Variants in CCDC63 observed in about 807,000 individuals in gnomAD.
CCDC63 encodes the protein coiled-coil domain containing 63, also known as coiled-coil domain-containing protein 63.
In CCDC63, 54 loss-of-function variants were observed where a neutral mutation model predicts 63.6. The ratio of observed to expected loss-of-function variants is 0.85; its 90% confidence interval spans 0.68 to 1.07. CCDC63 has a LOEUF of 1.07. CCDC63 is among the 50% of genes least tolerant of loss of function. The pLI is 0.00. For synonymous variants in CCDC63, 253 were observed against 266.1 expected (o/e 0.95, Z 0.48); for missense variants, 637 against 689.6 (o/e 0.92, Z 0.86).
chr12:110,904,721 GC>G lies in CCDC63; in HGVS notation c.1481del (p.Pro494GlnfsTer42), dbSNP rs1566143440. ...PFWGGSALLKPPEPIKVIPPV... is the reference protein window; with the variant it reads ...PFWGGSALLKXPEPIKVIPPV... ...TCTGGGGTGGCTCTGCCCTCCTCAA[GC>G]CCCCAGAACCCATCAAAGTCATCCC... On this transcript the variant is annotated frameshift_variant, in exon 11 of 12. Transcript: ENST00000308208. LOFTEE classifies it high-confidence loss of function. 1.2e-6 allele frequency: 2 copies of G among 1,614,016 alleles called. No individual in the cohort carries two copies. Among genetic ancestry groups the G allele is most frequent in the South Asian group, 2.2e-5 (2 of 91,076 alleles).
At chr12:110,853,377 G>A (rs2070730656) in intron 2 of CCDC63, 28 bp from the exon 3 acceptor site, 3 of 1,595,530 alleles carry the variant, frequency 1.9e-6, no homozygotes, top group Non-Finnish European at 2.6e-6. Context: ...GCCCACTACG[G>A]CCTCCCACTC....
rs1566132133 is a variant in CCDC63 at position 110,884,215 on chromosome 12, A to G, written c.1039A>G (p.Met347Val). ...FTYVTELNND[M>V]EMMHKRTQRI... The stretch of plus-strand genomic sequence containing the variant: ...GTATGTCACGGAGCTCAACAACGAC[A>G]TGGAGATGATGCACAAGAGGACCCA... Residue 347 changes from methionine (M) to valine (V), a missense_variant, in exon 8 of 12, where the codon ATG becomes GTG. By Grantham distance (21) the Met-to-Val change is conservative. Transcript: ENST00000308208. 1.2e-6 allele frequency: 2 copies of G among 1,614,150 alleles called. No homozygotes were observed. Among genetic ancestry groups the G allele is most frequent in the Non-Finnish European group, 1.7e-6 (2 of 1,180,032 alleles).
chr12:110,899,706 T>TA (rs1219544988), intron 10 of CCDC63, among the ~76,000 whole-genome samples: 1 of 149,724 alleles, frequency 6.7e-6, no homozygotes, highest in African/African-American at 2.4e-5. Context: ...TTTTTTTTTT[T>TA]AAATTGGTGT....
Position 110,894,080 on chromosome 12 carries a change from C to T in CCDC63, c.1149+930C>T, listed in dbSNP as rs549859166. Among the ~76,000 whole-genome samples, 367 of 152,120 alleles carry T rather than the reference C, an allele frequency of 2.4e-3. 4 individuals carry two copies. Among genetic ancestry groups the T allele is most frequent in the South Asian group, 0.021 (99 of 4,814 alleles). ...ATGATGTCATCAGTGACCTGGGCTCCGTCTTTCTGTTTTGCCATCCTTAGT... is the reference window on the plus strand; with the variant it reads ...ATGATGTCATCAGTGACCTGGGCTCTGTCTTTCTGTTTTGCCATCCTTAGT... On this transcript the variant is annotated intron_variant, in intron 9 of 11. Transcript: ENST00000308208.
intron 5 of CCDC63, among the ~76,000 whole-genome samples, chr12:110,875,071 C>T (rs1207159635): frequency 6.6e-6 from 1 of 152,204 alleles, no homozygotes; most frequent in African/African-American, 2.4e-5. Flanking sequence ...CTTTGACCAC[C>T]AGGCTTTGAG....
At chr12:110,868,686 G>A (rs1310487048) in intron 4 of CCDC63, among the ~76,000 whole-genome samples, 2 of 146,572 alleles carry the variant, frequency 1.4e-5, no homozygotes, top group Non-Finnish European at 3.0e-5. Context: ...GTCCAGCTTC[G>A]GCTCCGCATG....
intron 4 of CCDC63, among the ~76,000 whole-genome samples, chr12:110,869,585 C>A (rs2071037174): frequency 2.0e-5 from 3 of 152,124 alleles, no homozygotes; most frequent in Non-Finnish European, 4.4e-5. Context: ...TGGGCTAAGG[C>A]TGCATTGTGG....
intron 6 of CCDC63, among the ~76,000 whole-genome samples, chr12:110,880,649 A>T (rs1196884876): frequency 1.3e-4 from 2 of 15,050 alleles, no homozygotes; most frequent in Non-Finnish European, 2.8e-4. Context: ...CCTGGGACAC[A>T]GTAATTGATA....
intron 9 of CCDC63, among the ~76,000 whole-genome samples, chr12:110,896,853 C>T (rs187101959): frequency 9.8e-5 from 15 of 152,352 alleles, no homozygotes; most frequent in Admixed American, 8.5e-4. Context: ...TCAGACTTTA[C>T]TGTGCACCAG....
intron 8 of CCDC63, among the ~76,000 whole-genome samples, chr12:110,890,716 T>C (rs2071345235): frequency 6.6e-6 from 1 of 151,908 alleles, no homozygotes; most frequent in Non-Finnish European, 1.5e-5. Context: ...AAACGTTTTG[T>C]TTCCCAACAA....
upstream of CCDC63, among the ~76,000 whole-genome samples, chr12:110,844,537 A>C (rs111509328): frequency 5.3e-5 from 8 of 152,334 alleles, no homozygotes; most frequent in African/African-American, 1.9e-4. Flanking sequence ...CCTCTACCCC[A>C]AGTTCTTCCT....
At chr12:110,857,142 G>A (rs1157342765) in intron 3 of CCDC63, among the ~76,000 whole-genome samples, 1 of 143,976 alleles carries the variant, frequency 6.9e-6, no homozygotes, top group Non-Finnish European at 1.5e-5. Context: ...TTTTTGTATT[G>A]TTGAGATGGA....
intron 10 of CCDC63, among the ~76,000 whole-genome samples, chr12:110,903,270 T>C (rs1016774522): frequency 6.6e-6 from 1 of 152,214 alleles, no homozygotes; most frequent in Non-Finnish European, 1.5e-5. Context: ...CCCAAAGTGC[T>C]GGGATTACAG....
intron 1 of CCDC63, among the ~76,000 whole-genome samples, chr12:110,852,281 A>C (rs2136640005): frequency 6.6e-6 from 1 of 151,998 alleles, no homozygotes; most frequent in East Asian, 1.9e-4. Flanking sequence ...TGTGAGATGG[A>C]GTCTCACTCT....
intron 4 of CCDC63, among the ~76,000 whole-genome samples, chr12:110,870,630 A>G (rs981730428): frequency 2.6e-5 from 4 of 151,978 alleles, no homozygotes; most frequent in South Asian, 2.1e-4. Context: ...GAGATGTCCC[A>G]TTGCCCTTCT....
intron 4 of CCDC63, among the ~76,000 whole-genome samples, chr12:110,864,981 A>G (rs146464253): frequency 6.6e-6 from 1 of 152,292 alleles, no homozygotes; most frequent in African/African-American, 2.4e-5. Flanking sequence ...GACTGACACT[A>G]CCTTCAGGAG....
chr12:110,890,773 C>CTTTTTTTTTT (rs769120162), intron 8 of CCDC63, among the ~76,000 whole-genome samples: 6 of 98,408 alleles, frequency 6.1e-5, no homozygotes, highest in African/African-American at 1.2e-4. Flanking sequence ...TCCTCCTTTT[C>CTTTTTTTTTT]TTTTTTTTTT....
upstream of CCDC63, among the ~76,000 whole-genome samples, chr12:110,845,187 G>A (rs577153598): frequency 1.1e-4 from 17 of 152,314 alleles, no homozygotes; most frequent in Admixed American, 1.0e-3. Context: ...TCGGAGGAAG[G>A]TCTATTTTTA....
chr12:110,884,073 T>C lies in CCDC63; in HGVS notation c.897T>C (p.Ser299=). 6.2e-7 allele frequency: 1 copy of C among 1,613,434 alleles called. No homozygotes were observed. ...KKHVKKNRGE[S]FESYEVAHLR... is the part of the protein sequence containing the mutation. ...ATGTCAAGAAGAACAGGGGAGAGAG[T>C]TTTGAGAGCTATGAGGTGGCCCACC... Residue 299 remains serine, a synonymous_variant, in exon 8 of 12, where the codon AGT becomes AGC. Transcript: ENST00000308208.
Sources: allele counts gnomAD v4.1 joint callset (sites outside exome capture counted in the v4.1 genomes callset), GRCh38; gene constraint gnomAD v4.1.1; transcripts MANE v1.5; gene names NCBI Gene and HGNC (gene_info 2026-07-23, HGNC 2026-07-21).